Variants in AHCYL2 observed in about 807,000 individuals in gnomAD.
AHCYL2 encodes the protein S-adenosylhomocysteine hydrolase-like protein 2.
In AHCYL2, 28 loss-of-function variants were observed where a neutral mutation model predicts 81.4. The ratio of observed to expected loss-of-function variants is 0.34; its 90% CI spans 0.25 to 0.47. The LOEUF (loss-of-function observed/expected upper bound fraction) is 0.47. Among genes scored for constraint, AHCYL2 ranks in the 20% least tolerant of loss-of-function variants. The pLI is 1.00. For missense variants in AHCYL2, 551 were observed against 785.1 expected (o/e 0.70, Z 3.56); for synonymous variants, 272 against 290.2 (o/e 0.94, Z 0.64).
chr7:129,381,446 T>G (rs1452966562), intron 2 of AHCYL2, among the ~76,000 whole-genome samples: 2 of 152,220 alleles, frequency 1.3e-5, no homozygotes, highest in Non-Finnish European at 2.9e-5. Flanking sequence ...ATCATCCTGG[T>G]AAACTTGGAC....
chr7:129,362,408 C>G (rs1793961039), intron 1 of AHCYL2, among the ~76,000 whole-genome samples: 2 of 151,942 alleles, frequency 1.3e-5, no homozygotes, highest in Non-Finnish European at 2.9e-5. Flanking sequence ...GGGAGAAGGG[C>G]TCAACAATGC....
chr7:129,237,499 T>C (rs2150683839), intron 1 of AHCYL2, among the ~76,000 whole-genome samples: 1 of 152,334 alleles, frequency 6.6e-6, no homozygotes, highest in East Asian at 1.9e-4. Context: ...AGCATCCTGA[T>C]ACTACTGATT....
chr7:129,321,742 TG>T (rs139057330), intron 1 of AHCYL2, among the ~76,000 whole-genome samples: 30 of 125,362 alleles, frequency 2.4e-4, no homozygotes, highest in South Asian at 5.8e-4. Flanking sequence ...ATTCTTTCTT[TG>T]TTTTTTTTTT....
At position 129,306,479 on chromosome 7, in the gene AHCYL2, G is replaced by A. The variant is rs573373745; in HGVS notation, c.364-73159G>A. Among the ~76,000 whole-genome samples, 45 of 152,140 alleles carry A rather than the reference G, an allele frequency of 3.0e-4. No homozygotes were observed. In the South Asian group the frequency reaches 9.4e-3, roughly 32 times the overall value. ...TTTCATCGTTAAGTTTATCTGATAA[G>A]ATTCTGAATTCTTTCTTATGTCATC... On this transcript the variant is annotated intron_variant, in intron 1 of 16. Transcript: ENST00000325006.
intron 11 of AHCYL2, among the ~76,000 whole-genome samples, chr7:129,412,342 G>A (rs565238107): frequency 8.7e-4 from 129 of 148,790 alleles, no homozygotes; most frequent in African/African-American, 2.8e-3. Flanking sequence ...GTGCAGTGGC[G>A]CGATACTGGC....
At position 129,428,809 on chromosome 7, in the gene AHCYL2, C is replaced by T. The variant is rs1005071352; in HGVS notation, c.*1764C>T. 1 of 152,206 alleles carries T rather than the reference C, an allele frequency of 6.6e-6. No homozygotes were observed. The highest frequency in any genetic ancestry group is 3.2e-3 in the Middle Eastern group (1 of 316). The allele number at this position is 152,206 out of a possible 1,614,324, so 9.4% of individuals were successfully genotyped here. A position where few individuals can be genotyped will look rare whatever the true frequency, so the allele number is the denominator to read the frequency against. ...GTATACAGGCTCAGCCCATAGACTA[C>T]AGTTCTTCAGAGGCCATATGTCTCA... On this transcript the variant is annotated 3_prime_UTR_variant, in exon 17 of 17. Coordinates refer to ENST00000325006, the MANE Select transcript of AHCYL2 (RefSeq NM_015328.4).
chr7:129,417,046 G>A (rs1796891395), intron 12 of AHCYL2, among the ~76,000 whole-genome samples: 2 of 152,108 alleles, frequency 1.3e-5, no homozygotes, highest in South Asian at 4.2e-4. Context: ...AATCACTGGA[G>A]CCTGGGAGGC....
intron 15 of AHCYL2, among the ~76,000 whole-genome samples, chr7:129,425,657 C>T (rs1029638560): frequency 3.9e-5 from 6 of 152,170 alleles, no homozygotes; most frequent in Admixed American, 3.3e-4. Context: ...ATTAACCTGT[C>T]TTAAATTTTT....
rs758288048 is a variant in AHCYL2, at chr7:129,306,374, ACT to A, written c.364-73261_364-73260del. On this transcript the variant is annotated intron_variant, in intron 1 of 16. Coordinates refer to ENST00000325006, the MANE Select transcript of AHCYL2 (RefSeq NM_015328.4). ...GCTTGAGCAATTCTGCTATTAAGAG[ACT>A]CTGATGCATTCTTCAGTGTGTCAAT... Among the ~76,000 whole-genome samples, 5 of 149,688 alleles carry A rather than the reference ACT, an allele frequency of 3.3e-5. No individual in the cohort carries two copies. In the East Asian group the frequency reaches 9.8e-4, roughly 29 times the overall value.
At chr7:129,290,368 G>T (rs1301336974) in intron 1 of AHCYL2, among the ~76,000 whole-genome samples, 4 of 151,900 alleles carry the variant, frequency 2.6e-5, no homozygotes, top group Non-Finnish European at 5.9e-5. Context: ...GGGAGTGGTG[G>T]TGGGTGCCTT....
chr7:129,335,572 T>C (rs958293456), intron 1 of AHCYL2, among the ~76,000 whole-genome samples: 1 of 152,070 alleles, frequency 6.6e-6, no homozygotes, highest in Non-Finnish European at 1.5e-5. Context: ...TAATTCTCAT[T>C]TCGGGTTTCT....
chr7:129,238,868 G>A (rs981701075), intron 1 of AHCYL2, among the ~76,000 whole-genome samples: 2 of 152,078 alleles, frequency 1.3e-5, no homozygotes, highest in Admixed American at 6.6e-5. Flanking sequence ...CAGGAAAATC[G>A]CTTGAATCCA....
At chr7:129,314,548 C>T (rs980574715) in intron 1 of AHCYL2, among the ~76,000 whole-genome samples, 3 of 152,204 alleles carry the variant, frequency 2.0e-5, no homozygotes, top group Non-Finnish European at 4.4e-5. Flanking sequence ...CTTCCTGGTT[C>T]ATAGAGAGCC....
At position 129,382,850 on chromosome 7, in the gene AHCYL2, G is replaced by A. The variant is rs376708980; in HGVS notation, c.475+3101G>A. ...GAACCCAGGAGGCAGAGGTTGCGGT[G>A]AGCCAAGATCATGCCATTGCACTCC... On this transcript the variant is annotated intron_variant, in intron 2 of 16. Transcript: ENST00000325006. Among the ~76,000 whole-genome samples the A allele has an allele frequency of 4.6e-5, 7 of 152,124 alleles. No individual in the cohort carries two copies. In the East Asian group the frequency reaches 7.7e-4, roughly 17 times the overall value.
chr7:129,237,799 C>T (rs993465562), intron 1 of AHCYL2, among the ~76,000 whole-genome samples: 1 of 152,032 alleles, frequency 6.6e-6, no homozygotes, highest in African/African-American at 2.4e-5. Context: ...ACCATTGGGT[C>T]ACTGCAACCT....
At chr7:129,268,357 T>C (rs992578176) in intron 1 of AHCYL2, among the ~76,000 whole-genome samples, 3 of 152,124 alleles carry the variant, frequency 2.0e-5, no homozygotes, top group African/African-American at 7.2e-5. Context: ...GTTTTTGTTT[T>C]TGTTTTTTGA....
intron 1 of AHCYL2, among the ~76,000 whole-genome samples, chr7:129,339,218 C>T (rs1793070395): frequency 6.6e-6 from 1 of 152,110 alleles, no homozygotes; most frequent in African/African-American, 2.4e-5. Flanking sequence ...AGAACCAGTT[C>T]TAGGTGTAGA....
intron 5 of AHCYL2, among the ~76,000 whole-genome samples, chr7:129,397,995 C>T (rs1169469658): frequency 1.3e-5 from 2 of 152,086 alleles, no homozygotes; most frequent in Non-Finnish European, 1.5e-5. Flanking sequence ...ATTGTACATA[C>T]GCATTCATTT....
At chr7:129,399,724 C>CTTTT (rs778217871) in intron 5 of AHCYL2, among the ~76,000 whole-genome samples, 5 of 122,356 alleles carry the variant, frequency 4.1e-5, no homozygotes, top group Admixed American at 8.3e-5. Context: ...CCTTTAGTCA[C>CTTTT]TTTTTTTTTT....
Sources: gnomAD v4.1 joint callset for allele counts (sites outside exome capture counted in the v4.1 genomes callset) on GRCh38, gnomAD v4.1.1 for gene constraint, MANE v1.5 for transcripts, NCBI Gene and HGNC (gene_info 2026-07-23, HGNC 2026-07-21) for gene names.